Variants in TCERG1L observed in about 807,000 individuals in gnomAD.
The protein encoded by TCERG1L is transcription elongation regulator 1-like protein.
Under a neutral mutation model 56.3 loss-of-function variants are expected in TCERG1L, and 37 were observed. The observed-to-expected ratio is 0.66, with a 90% CI of 0.51 to 0.87. The LOEUF (loss-of-function observed/expected upper bound fraction) is 0.87, where lower values mean the gene tolerates loss of function less well. TCERG1L is among the 40% of genes least tolerant of loss of function. The probability of loss-of-function intolerance (pLI) is 0.00; values close to 1 mark genes in which losing one functional copy is unlikely to be tolerated. For missense variants in TCERG1L, 799 were observed against 774.2 expected, an observed-to-expected ratio of 1.03 and a Z score of -0.38; for synonymous variants, 324 against 326.3, an observed-to-expected ratio of 0.99 and a Z score of 0.08.
rs560168122 is a variant in TCERG1L at position 131,098,485 on chromosome 10, T to C, written c.1486-61A>G. On this transcript the variant is annotated intron_variant, in intron 10 of 11. Transcript: ENST00000368642. Reference sequence around the variant, plus strand: ...ATTGCATATCAGAAATGAAATCTTGTATTCCAAGCACAACATGAGAAAGCA... The same window carrying C: ...ATTGCATATCAGAAATGAAATCTTGCATTCCAAGCACAACATGAGAAAGCA... The C allele has an allele frequency of 2.8e-5, 43 of 1,511,460 alleles. No individual in the cohort carries two copies. In the South Asian group the frequency reaches 5.1e-4, roughly 18 times the overall value. The allele number at this position is 1,511,460 out of a possible 1,614,324, so 93.6% of individuals were successfully genotyped here.
chr10:131,243,083 C>A (rs992843235), intron 4 of TCERG1L, among the ~76,000 whole-genome samples: 1 of 152,100 alleles, frequency 6.6e-6, no homozygotes, highest in African/African-American at 2.4e-5. Context: ...ATAGTTAGTT[C>A]TGAATACCTA....
chr10:131,246,750 C>T (rs1846044109), intron 4 of TCERG1L, among the ~76,000 whole-genome samples: 1 of 152,316 alleles, frequency 6.6e-6, no homozygotes, highest in East Asian at 1.9e-4. Context: ...TGGGCAGCCA[C>T]CTTCCAGCCT....
At position 131,285,786 on chromosome 10, in the gene TCERG1L, T is replaced by C. The variant is rs531979869; in HGVS notation, c.670+22425A>G. On this transcript the variant is annotated intron_variant, in intron 3 of 11. Coordinates refer to ENST00000368642, the MANE Select transcript of TCERG1L (RefSeq NM_174937.4). Reference sequence around the variant, plus strand: ...CAGTAACAGATTAAAAAAAGAAAAATGTGGCTATCTTAATCTAAAAAGGTA... The same window carrying C: ...CAGTAACAGATTAAAAAAAGAAAAACGTGGCTATCTTAATCTAAAAAGGTA... Among the ~76,000 whole-genome samples, 252 of 151,890 alleles carry C rather than the reference T, an allele frequency of 1.7e-3. 2 individuals carry two copies. Among genetic ancestry groups the C allele is most frequent in the Middle Eastern group, 3.4e-3 (1 of 294 alleles).
intron 4 of TCERG1L, among the ~76,000 whole-genome samples, chr10:131,259,902 G>A (rs182189716): frequency 3.3e-5 from 5 of 152,318 alleles, no homozygotes; most frequent in African/African-American, 9.6e-5. Context: ...CAGCCTGCAC[G>A]TCCCGTGCAA....
At chr10:131,176,176 C>T (rs12573076) in intron 4 of TCERG1L, among the ~76,000 whole-genome samples, 74,913 of 152,046 alleles carry the variant, frequency 0.49, 21,038 homozygotes, top group South Asian at 0.77. Flanking sequence ...CTTTGGGTGC[C>T]TGAGCTGGAC....
At chr10:131,191,487 T>C (rs1185571624) in intron 4 of TCERG1L, among the ~76,000 whole-genome samples, 2 of 143,236 alleles carry the variant, frequency 1.4e-5, no homozygotes, top group Admixed American at 7.0e-5. Context: ...AATTATACTA[T>C]AATACAAGAC....
chr10:131,113,236 G>A (rs1845427152), intron 9 of TCERG1L, among the ~76,000 whole-genome samples: 1 of 142,724 alleles, frequency 7.0e-6, no homozygotes, highest in Admixed American at 6.9e-5. Context: ...CACATTAAGC[G>A]TAATTATAAT....
intron 3 of TCERG1L, among the ~76,000 whole-genome samples, chr10:131,264,854 A>C (rs1271971329): frequency 6.6e-6 from 1 of 152,146 alleles, no homozygotes; most frequent in Non-Finnish European, 1.5e-5. Flanking sequence ...GGGCCCCTAA[A>C]ACTGCAGGAG....
chr10:131,179,675 T>C (rs1845150594), intron 4 of TCERG1L, among the ~76,000 whole-genome samples: 1 of 152,198 alleles, frequency 6.6e-6, no homozygotes, highest in Admixed American at 6.5e-5. Flanking sequence ...TGTGGTTTTG[T>C]TTTGAGGTCA....
At chr10:131,119,883 G>A (rs1000289980) in intron 8 of TCERG1L, among the ~76,000 whole-genome samples, 2 of 152,198 alleles carry the variant, frequency 1.3e-5, no homozygotes, top group African/African-American at 4.8e-5. Flanking sequence ...CAGAAGCCTC[G>A]TTAAGGGAAC....
At chr10:131,206,522 G>A (rs186543395) in intron 4 of TCERG1L, among the ~76,000 whole-genome samples, 33 of 152,372 alleles carry the variant, frequency 2.2e-4, no homozygotes, top group Admixed American at 2.6e-4. Context: ...CCTCGTGGGC[G>A]GCTGCCCGCC....
intron 4 of TCERG1L, among the ~76,000 whole-genome samples, chr10:131,178,361 C>T (rs999179199): frequency 1.3e-5 from 2 of 152,210 alleles, no homozygotes; most frequent in Non-Finnish European, 2.9e-5. Context: ...CTGAATGTCT[C>T]TTGTTCCTCT....
At chr10:131,176,174 G>A (rs1408066439) in intron 4 of TCERG1L, among the ~76,000 whole-genome samples, 1 of 152,154 alleles carries the variant, frequency 6.6e-6, no homozygotes, top group Non-Finnish European at 1.5e-5. Flanking sequence ...TACTTTGGGT[G>A]CCTGAGCTGG....
At chr10:131,224,577 T>C (rs71478074) in intron 4 of TCERG1L, among the ~76,000 whole-genome samples, 30,506 of 152,136 alleles carry the variant, frequency 0.2, 3,430 homozygotes, top group African/African-American at 0.24. Flanking sequence ...CAGTCACAAC[T>C]GATGGCATGT....
intron 3 of TCERG1L, among the ~76,000 whole-genome samples, chr10:131,270,909 C>T (rs1009823265): frequency 6.6e-6 from 1 of 152,166 alleles, no homozygotes; most frequent in African/African-American, 2.4e-5. Context: ...GGCCCCCTCC[C>T]CACACTGGCT....
intron 3 of TCERG1L, among the ~76,000 whole-genome samples, chr10:131,279,397 G>C (rs1303550784): frequency 2.0e-5 from 3 of 152,160 alleles, no homozygotes. Context: ...TAACCTTCAT[G>C]ACTGTTTAGG....
chr10:131,229,445 C>T (rs1354450702), intron 4 of TCERG1L, among the ~76,000 whole-genome samples: 1 of 152,164 alleles, frequency 6.6e-6, no homozygotes, highest in Non-Finnish European at 1.5e-5. Flanking sequence ...GCTTCCTGCC[C>T]ACATATAGGT....
chr10:131,208,404 G>C (rs751958568), intron 4 of TCERG1L, among the ~76,000 whole-genome samples: 2 of 152,178 alleles, frequency 1.3e-5, no homozygotes, highest in South Asian at 4.1e-4. Context: ...CACAGAGCTC[G>C]ACAGAGATGC....
intron 4 of TCERG1L, among the ~76,000 whole-genome samples, chr10:131,179,617 A>C (rs58957095): frequency 0.26 from 39,780 of 151,884 alleles, 5,447 homozygotes; most frequent in Middle Eastern, 0.32. Context: ...TGACACGACC[A>C]CCATGGAGGG....
Sources: allele counts gnomAD v4.1 joint callset (sites outside exome capture counted in the v4.1 genomes callset), GRCh38; gene constraint gnomAD v4.1.1; transcripts MANE v1.5; gene names NCBI Gene and HGNC (gene_info 2026-07-23, HGNC 2026-07-21).